The following UNC13C variants were observed in gnomAD, a reference collection of about 807,000 sequenced individuals.
UNC13C encodes unc-13 homolog C, also known as protein unc-13 homolog C.
In UNC13C, 174 loss-of-function variants were observed where a neutral mutation model predicts 245.4. The ratio of observed to expected loss-of-function variants is 0.71; its 90% CI spans 0.63 to 0.80. The LOEUF (loss-of-function observed/expected upper bound fraction) is 0.80, where lower values mean the gene tolerates loss of function less well. Ranked by LOEUF, UNC13C falls within the 30% of genes least tolerant of loss-of-function variation. The pLI, the probability that UNC13C is intolerant of heterozygous loss-of-function variation, is 0.00. For missense variants in UNC13C, 2,829 were observed against 2,602.9 expected (o/e 1.09, Z -1.89); for synonymous variants, 992 against 895.1 (o/e 1.11, Z -1.93).
At chr15:54,535,065 C>T (rs1054156168) in intron 26 of UNC13C, among the ~76,000 whole-genome samples, 2 of 152,022 alleles carry the variant, frequency 1.3e-5, no homozygotes, top group Admixed American at 6.5e-5. Context: ...TCAATATCAA[C>T]CTTGAATATA....
chr15:53,948,337 A>G, the UNC13C span: 1 of 152,140 alleles, frequency 6.6e-6, no homozygotes, highest in Non-Finnish European at 1.5e-5. Flanking sequence ...AGAAAGAGCT[A>G]CCGGTGCAGA....
chr15:54,025,854 T>C lies in UNC13C; in HGVS notation c.2983+9968T>C, dbSNP rs919493985. ...TCTGTATAATTTGTGATAAAAGAAA[T>C]TGTTGACCGCATATAATCATGGCAA... On this transcript the variant is annotated intron_variant, in intron 2 of 32. Transcript: ENST00000260323. Among the ~76,000 whole-genome samples, 16 of 152,294 alleles carry C rather than the reference T, an allele frequency of 1.1e-4. 1 individual carries two copies. Among genetic ancestry groups the C allele is most frequent in the South Asian group, 8.3e-4 (4 of 4,818 alleles).
At chr15:54,147,421 A>G (rs1041038871) in intron 4 of UNC13C, among the ~76,000 whole-genome samples, 1 of 151,918 alleles carries the variant, frequency 6.6e-6, no homozygotes, top group African/African-American at 2.4e-5. Context: ...GGGTTTCACC[A>G]TGTTAGCCAG....
At chr15:54,257,855 G>A (rs2036319113) in intron 8 of UNC13C, among the ~76,000 whole-genome samples, 1 of 152,122 alleles carries the variant, frequency 6.6e-6, no homozygotes. Context: ...AAAGAGGAGG[G>A]TTCGTATTAT....
the UNC13C span, among the ~76,000 whole-genome samples, chr15:53,842,763 T>C: frequency 9.2e-5 from 14 of 152,198 alleles, no homozygotes; most frequent in Non-Finnish European, 2.1e-4. Flanking sequence ...GACTGACATC[T>C]GCTCCTTAAC....
chr15:54,269,028 T>C (rs1160275136), intron 10 of UNC13C, among the ~76,000 whole-genome samples: 1 of 151,130 alleles, frequency 6.6e-6, no homozygotes, highest in Non-Finnish European at 1.5e-5. Context: ...GACTCTACCT[T>C]GGTTTCTTTT....
intron 24 of UNC13C, among the ~76,000 whole-genome samples, chr15:54,525,153 C>T (rs2141137776): frequency 6.6e-6 from 1 of 152,116 alleles, no homozygotes; most frequent in Admixed American, 6.5e-5. Context: ...TATTTATTTA[C>T]AGGGATATTA....
At chr15:54,053,311 C>T (rs1897353561) in intron 2 of UNC13C, among the ~76,000 whole-genome samples, 1 of 152,164 alleles carries the variant, frequency 6.6e-6, no homozygotes, top group Admixed American at 6.6e-5. Context: ...GGATTACAGG[C>T]ATAAGCCACC....
At chr15:54,573,682 C>G (rs1376510677) in intron 30 of UNC13C, among the ~76,000 whole-genome samples, 1 of 152,140 alleles carries the variant, frequency 6.6e-6, no homozygotes, top group East Asian at 1.9e-4. Context: ...GGTGGTTTTC[C>G]CCCTCAGGAG....
At chr15:54,193,980 A>C (rs539629268) in intron 4 of UNC13C, among the ~76,000 whole-genome samples, 71 of 152,314 alleles carry the variant, frequency 4.7e-4, no homozygotes, top group Admixed American at 1.4e-3. Flanking sequence ...AGAGGAACTG[A>C]AGGAAGGCCA....
intron 13 of UNC13C, among the ~76,000 whole-genome samples, chr15:54,317,809 C>A (rs1039039874): frequency 1.6e-4 from 24 of 151,828 alleles, no homozygotes; most frequent in African/African-American, 5.3e-4. Context: ...CTATAGTCAC[C>A]ATTCTGTAAA....
chr15:54,014,082 G>T lies in UNC13C; in HGVS notation c.1179G>T (p.Lys393Asn). 2 of 1,613,588 alleles carry T rather than the reference G, an allele frequency of 1.2e-6. No individual in the cohort carries two copies. Among genetic ancestry groups the T allele is most frequent in the East Asian group, 4.5e-5 (2 of 44,852 alleles). Residue 393 changes from lysine (K) to asparagine (N), a missense_variant, in exon 2 of 33, where the codon AAG (lysine) becomes AAT (asparagine). Coordinates refer to ENST00000260323, the MANE Select transcript of UNC13C (RefSeq NM_001080534.3). ...AACAAAGGGATTCTGTCTTAAAAAAGTCATATAAACTCAAAGGAACAGGCA... is the reference window on the plus strand; with the variant it reads ...AACAAAGGGATTCTGTCTTAAAAAATTCATATAAACTCAAAGGAACAGGCA... ...TPQQRDSVLKKSYKLKGTGIG... is the reference protein window; with the variant it reads ...TPQQRDSVLKNSYKLKGTGIG...
intron 18 of UNC13C, among the ~76,000 whole-genome samples, chr15:54,405,908 T>A (rs534686293): frequency 2.0e-5 from 3 of 152,280 alleles, no homozygotes; most frequent in Admixed American, 6.5e-5. Flanking sequence ...GAAAAAATTA[T>A]ATACATATGT....
At chr15:53,886,264 G>T in the UNC13C span, among the ~76,000 whole-genome samples, 1 of 152,102 alleles carries the variant, frequency 6.6e-6, no homozygotes, top group Non-Finnish European at 1.5e-5. Context: ...ACTGCTTCTA[G>T]GACTGGGGCA....
chr15:54,344,660 A>T (rs2038819122), intron 17 of UNC13C, among the ~76,000 whole-genome samples: 1 of 152,206 alleles, frequency 6.6e-6, no homozygotes, highest in Non-Finnish European at 1.5e-5. Flanking sequence ...CATATGATTA[A>T]GGCTTATCTC....
At chr15:54,007,446 T>G (rs987390272) in intron 1 of UNC13C, among the ~76,000 whole-genome samples, 3 of 152,152 alleles carry the variant, frequency 2.0e-5, no homozygotes, top group Non-Finnish European at 4.4e-5. Flanking sequence ...AGGAATGATG[T>G]CATGTTCTTT....
intron 19 of UNC13C, among the ~76,000 whole-genome samples, chr15:54,422,278 C>T (rs2040660744): frequency 6.6e-6 from 1 of 151,994 alleles, no homozygotes; most frequent in Non-Finnish European, 1.5e-5. Context: ...TCTCTACTAC[C>T]TCCAACTAGT....
At chr15:54,254,783 A>G (rs1485736771) in intron 8 of UNC13C, among the ~76,000 whole-genome samples, 3 of 152,186 alleles carry the variant, frequency 2.0e-5, no homozygotes, top group Non-Finnish European at 4.4e-5. Context: ...CCTAGGGGGA[A>G]GAAAAGGAAA....
intron 10 of UNC13C, among the ~76,000 whole-genome samples, chr15:54,283,464 G>A (rs2037054875): frequency 6.6e-6 from 1 of 151,736 alleles, no homozygotes; most frequent in Non-Finnish European, 1.5e-5. Context: ...AAACCTAAAT[G>A]TTTAATAATT....
Sources: allele counts gnomAD v4.1 joint callset (sites outside exome capture counted in the v4.1 genomes callset), GRCh38; gene constraint gnomAD v4.1.1; transcripts MANE v1.5; gene names NCBI Gene and HGNC (gene_info 2026-07-23, HGNC 2026-07-21).